The following PDE7B variants were observed in gnomAD, a reference collection of about 807,000 sequenced individuals.
The protein encoded by PDE7B is 3',5'-cyclic-AMP phosphodiesterase 7B.
Under a neutral mutation model 56.2 loss-of-function variants are expected in PDE7B, and 29 were observed. The observed-to-expected ratio is 0.52, with a 90% CI of 0.38 to 0.70. The LOEUF (loss-of-function observed/expected upper bound fraction) is 0.70, where lower values mean the gene tolerates loss of function less well. Ranked by LOEUF, PDE7B falls within the 30% of genes least tolerant of loss-of-function variation. The probability of loss-of-function intolerance (pLI) is 0.00; values close to 1 mark genes in which losing one functional copy is unlikely to be tolerated. For missense variants in PDE7B, 490 were observed against 565.0 expected (o/e 0.87, Z 1.35); for synonymous variants, 197 against 196.9 (o/e 1.00, Z 0.00).
intron 3 of PDE7B, among the ~76,000 whole-genome samples, chr6:136,138,309 T>C (rs1431355229): frequency 6.6e-6 from 1 of 152,142 alleles, no homozygotes; most frequent in Non-Finnish European, 1.5e-5. Flanking sequence ...ATCAGATCTT[T>C]ATCAATAATT....
At chr6:135,958,903 A>G (rs747809968) in intron 2 of PDE7B, among the ~76,000 whole-genome samples, 5 of 152,134 alleles carry the variant, frequency 3.3e-5, no homozygotes, top group Admixed American at 6.6e-5. Flanking sequence ...ATTATTTCTT[A>G]CTATAAAAAC....
chr6:135,931,592 T>A (rs1473586055), intron 1 of PDE7B, among the ~76,000 whole-genome samples: 1 of 152,070 alleles, frequency 6.6e-6, no homozygotes, highest in African/African-American at 2.4e-5. Flanking sequence ...ATGATAAAAA[T>A]TTTTTCCCAG....
At chr6:136,007,313 T>A (rs1775804649) in intron 2 of PDE7B, among the ~76,000 whole-genome samples, 1 of 152,148 alleles carries the variant, frequency 6.6e-6, no homozygotes, top group African/African-American at 2.4e-5. Context: ...CAGTTTGAAC[T>A]ATTTTGTTGA....
intron 3 of PDE7B, among the ~76,000 whole-genome samples, chr6:136,125,541 C>G (rs1341442591): frequency 6.6e-6 from 1 of 151,726 alleles, no homozygotes; most frequent in African/African-American, 2.4e-5. Flanking sequence ...TGCACTCCAA[C>G]CTGGAGACAG....
intron 1 of PDE7B, among the ~76,000 whole-genome samples, chr6:135,890,204 A>T (rs569940723): frequency 6.6e-6 from 1 of 152,354 alleles, no homozygotes; most frequent in South Asian, 2.1e-4. Flanking sequence ...TAAAAAATGA[A>T]TTTCCATTAT....
chr6:136,154,772 C>T (rs959110360), intron 7 of PDE7B, among the ~76,000 whole-genome samples: 3 of 152,210 alleles, frequency 2.0e-5, no homozygotes, highest in Non-Finnish European at 2.9e-5. Context: ...AGTCCTTAGA[C>T]TGAAAGTCTG....
intron 8 of PDE7B, among the ~76,000 whole-genome samples, chr6:136,160,474 G>T (rs9321552): frequency 0.24 from 36,461 of 152,048 alleles, 12,047 homozygotes; most frequent in African/African-American, 0.74. Flanking sequence ...TCTCTGGCAA[G>T]TCACTAAGAA....
intron 2 of PDE7B, among the ~76,000 whole-genome samples, chr6:136,029,440 T>C (rs1015233182): frequency 2.0e-5 from 3 of 152,310 alleles, no homozygotes; most frequent in South Asian, 2.1e-4. Context: ...CAAAGACAGA[T>C]GTATGTTACC....
chr6:135,878,463 G>A (rs1190873190), intron 1 of PDE7B, among the ~76,000 whole-genome samples: 1 of 152,092 alleles, frequency 6.6e-6, no homozygotes, highest in African/African-American at 2.4e-5. Context: ...AACCATAAAT[G>A]TAGGTCCACT....
chr6:136,036,346 C>G (rs1776325974), intron 2 of PDE7B, among the ~76,000 whole-genome samples: 1 of 152,126 alleles, frequency 6.6e-6, no homozygotes, highest in Admixed American at 6.5e-5. Flanking sequence ...GCTGCTAGAT[C>G]AATATTTTCA....
intron 2 of PDE7B, among the ~76,000 whole-genome samples, chr6:135,968,678 A>C (rs1393121040): frequency 6.6e-6 from 1 of 152,218 alleles, no homozygotes; most frequent in Non-Finnish European, 1.5e-5. Flanking sequence ...ATGTATTTAC[A>C]CTGTTGGTGG....
intron 2 of PDE7B, among the ~76,000 whole-genome samples, chr6:136,023,763 T>C (rs941325118): frequency 2.6e-5 from 4 of 152,194 alleles, no homozygotes; most frequent in African/African-American, 9.6e-5. Context: ...AATAGATAGA[T>C]ACAGATATAG....
At chr6:135,897,946 C>T (rs537012199) in intron 1 of PDE7B, among the ~76,000 whole-genome samples, 1 of 152,174 alleles carries the variant, frequency 6.6e-6, no homozygotes, top group Non-Finnish European at 1.5e-5. Flanking sequence ...ACAGCTGCTG[C>T]TGTTCCAGAC....
At chr6:135,893,973 C>T (rs1775854437) in intron 1 of PDE7B, among the ~76,000 whole-genome samples, 1 of 152,134 alleles carries the variant, frequency 6.6e-6, no homozygotes, top group Non-Finnish European at 1.5e-5. Context: ...AAAACTTGAT[C>T]CGTTTATATA....
At chr6:135,958,986 C>G (rs1349741055) in intron 2 of PDE7B, among the ~76,000 whole-genome samples, 1 of 152,100 alleles carries the variant, frequency 6.6e-6, no homozygotes, top group Admixed American at 6.5e-5. Flanking sequence ...CTTCAAGGTA[C>G]CCAACCACAT....
intron 3 of PDE7B, among the ~76,000 whole-genome samples, chr6:136,130,778 A>G (rs371945228): frequency 3.2e-4 from 48 of 152,340 alleles, no homozygotes; most frequent in South Asian, 1.9e-3. Flanking sequence ...TAATGGACTC[A>G]GTTCTACATG....
At chr6:136,156,162 A>T (rs1042109052) in intron 8 of PDE7B, 28 of 251,960 alleles carry the variant, frequency 1.1e-4, no homozygotes, top group Admixed American at 2.4e-4. Context: ...GAATGATCCA[A>T]GTGTGTGTGT....
At chr6:136,138,938 G>A (rs1193595544) in intron 3 of PDE7B, among the ~76,000 whole-genome samples, 4 of 152,014 alleles carry the variant, frequency 2.6e-5, no homozygotes, top group African/African-American at 9.7e-5. Context: ...GAAAAGATTT[G>A]TTGGCTAGCT....
chr6:136,012,656 C>T (rs1775913754), intron 2 of PDE7B: 3 of 152,134 alleles, frequency 2.0e-5, no homozygotes, highest in Admixed American at 2.0e-4. Flanking sequence ...CCTGAGAACT[C>T]CCTCACTATC....
Sources: gnomAD v4.1 joint callset for allele counts (sites outside exome capture counted in the v4.1 genomes callset) on GRCh38, gnomAD v4.1.1 for gene constraint, MANE v1.5 for transcripts, NCBI Gene and HGNC (gene_info 2026-07-23, HGNC 2026-07-21) for gene names.